The following RMND5B variants were observed in gnomAD, a reference collection of about 807,000 sequenced individuals.
RMND5B encodes required for meiotic nuclear division 5 homolog B.
Under a neutral mutation model 50.4 loss-of-function variants are expected in RMND5B, and 42 were observed. That is an observed-to-expected ratio of 0.83 (90% CI 0.65 to 1.08). The LOEUF (loss-of-function observed/expected upper bound fraction) is 1.08, where lower values mean the gene tolerates loss of function less well. RMND5B is among the 50% of genes least tolerant of loss of function. RMND5B has a pLI of 0.00. For synonymous variants in RMND5B, 220 were observed against 210.0 expected, an observed-to-expected ratio of 1.05 and a Z score of -0.41; for missense variants, 463 against 508.5, an observed-to-expected ratio of 0.91 and a Z score of 0.86.
chr5:178,145,209 G>A (rs532881499), intron 7 of RMND5B, among the ~76,000 whole-genome samples: 40 of 151,580 alleles, frequency 2.6e-4, no homozygotes, highest in Non-Finnish European at 5.2e-4. Flanking sequence ...GACACCGGCC[G>A]GGCATGATGG....
At chr5:178,144,774 A>C (rs1394664404) in intron 7 of RMND5B, among the ~76,000 whole-genome samples, 8 of 151,272 alleles carry the variant, frequency 5.3e-5, no homozygotes, top group African/African-American at 1.9e-4. Flanking sequence ...TAATTGCAGC[A>C]CTTTGGGAGG....
chr5:178,143,260 G>A (rs900312716), intron 5 of RMND5B, among the ~76,000 whole-genome samples: 94 of 151,388 alleles, frequency 6.2e-4, no homozygotes, highest in African/African-American at 2.3e-3. Flanking sequence ...TGACAAAGTA[G>A]TACTTGTTAG....
At chr5:178,147,702 A>G in intron 9 of RMND5B, 27 bp from the exon 10 acceptor site, 2 of 1,613,870 alleles carry the variant, frequency 1.2e-6, no homozygotes, top group Non-Finnish European at 8.5e-7. Flanking sequence ...AGGAAGTGGA[A>G]CTCACCCGCT....
chr5:178,142,380 G>A (rs910057565), intron 3 of RMND5B: 10 of 601,816 alleles, frequency 1.7e-5, no homozygotes, highest in African/African-American at 1.6e-4. Context: ...TCCCAGAGGT[G>A]AACTGGCTTT....
Position 178,147,990 on chromosome 5 carries a change from C to T in RMND5B, c.1140C>T (p.Pro380=). 2 of 1,614,172 alleles carry T rather than the reference C, an allele frequency of 1.2e-6. No individual in the cohort carries two copies. The highest frequency in any genetic ancestry group is 1.7e-6 in the Non-Finnish European group (2 of 1,180,036). ...NGGKLKCPYC[P]MEQNPADGKR... Reference sequence around the variant, plus strand: ...GCAGGCTGAAGTGTCCCTACTGTCCCATGGAGCAGAACCCGGCAGATGGGA... The same window carrying T: ...GCAGGCTGAAGTGTCCCTACTGTCCTATGGAGCAGAACCCGGCAGATGGGA... The change falls in exon 11 of 11, where the codon CCC becomes CCT. Residue 380 remains proline, a synonymous_variant. Coordinates refer to ENST00000313386, the MANE Select transcript of RMND5B (RefSeq NM_022762.5).
intron 2 of RMND5B, among the ~76,000 whole-genome samples, chr5:178,132,599 T>C (rs900302213): frequency 2.0e-5 from 3 of 151,684 alleles, no homozygotes; most frequent in Non-Finnish European, 4.4e-5. Flanking sequence ...GACTACATGG[T>C]GCACCTGTAG....
At chr5:178,146,367 G>T in intron 8 of RMND5B, 88 bp downstream of exon 8, 1 of 1,281,290 alleles carries the variant, frequency 7.8e-7, no homozygotes, top group Non-Finnish European at 1.1e-6. Flanking sequence ...GCCAGGAACA[G>T]TGCTCGGTGC....
At chr5:178,146,354 T>C (rs1756008860) in intron 8 of RMND5B, 75 bp downstream of exon 8, 5 of 1,438,802 alleles carry the variant, frequency 3.5e-6, no homozygotes, top group South Asian at 1.2e-5. Flanking sequence ...GGCCCTGCCA[T>C]GTGCCAGGAA....
Position 178,147,751 on chromosome 5 carries a change from A to T in RMND5B, c.986A>T (p.Lys329Met). Reference sequence around the variant, plus strand: ...CAGATTGAGATTGAACTAGGCATGAAGTGCTGGTACCACTCCGTGTTCGCT... The same window carrying T: ...CAGATTGAGATTGAACTAGGCATGATGTGCTGGTACCACTCCGTGTTCGCT... Reference protein sequence around the residue: ...ELPIEIELGMKCWYHSVFACP... With the variant: ...ELPIEIELGMMCWYHSVFACP... Residue 329 changes from lysine to methionine, a missense_variant, in exon 10 of 11, where the codon AAG becomes ATG. Lys to Met is a moderately conservative substitution (Grantham distance 95, BLOSUM62 -1). Coordinates refer to ENST00000313386, the MANE Select transcript of RMND5B (RefSeq NM_022762.5). 6.2e-7 allele frequency: 1 copy of T among 1,614,184 alleles called. No individual in the cohort carries two copies. The highest frequency in any genetic ancestry group is 8.5e-7 in the Non-Finnish European group (1 of 1,180,030).
intron 7 of RMND5B, among the ~76,000 whole-genome samples, chr5:178,144,689 A>C (rs1202034021): frequency 6.8e-6 from 1 of 146,480 alleles, no homozygotes; most frequent in Non-Finnish European, 1.5e-5. Flanking sequence ...ACTGCACTCC[A>C]GCCTGGGTGA....
At position 178,143,675 on chromosome 5, in the gene RMND5B, T is replaced by C; in HGVS notation, c.475T>C (p.Leu159=). 1 of 1,614,140 alleles carries C rather than the reference T, an allele frequency of 6.2e-7. No individual in the cohort carries two copies. Among genetic ancestry groups the C allele is most frequent in the Non-Finnish European group, 8.5e-7 (1 of 1,180,006 alleles). ...GGATTTCAAGCAGCCTTTCCTAGAG[T>C]TGAATCGAATCCTGGAAGCCCTGCA... ...DLDFKQPFLE[L]NRILEALHEQ... is the part of the protein sequence containing the mutation. Residue 159 remains leucine, a synonymous_variant, in exon 6 of 11, where the codon TTG becomes CTG. Coordinates refer to ENST00000313386, the MANE Select transcript of RMND5B (RefSeq NM_022762.5).
chr5:178,138,501 C>CT lies in RMND5B; in HGVS notation c.139+250dup. On this transcript the variant is annotated intron_variant, in intron 3 of 10. Coordinates refer to ENST00000313386, the MANE Select transcript of RMND5B (RefSeq NM_022762.5). The surrounding 1 kb of genome is among the most constrained non-coding windows in gnomAD (Gnocchi z 5.1). ...TTTCAACTTACTTTTCTATTTTTAA[C>CT]TTTTTTTCATTTTATAATTGTGTGT... is the stretch of plus-strand genomic sequence containing the variant. The CT allele has an allele frequency of 1.0e-6, 1 of 999,872 alleles. No homozygotes were observed. The highest frequency in any genetic ancestry group is 1.3e-6 in the Non-Finnish European group (1 of 751,712). 61.9% of individuals were successfully genotyped at this position (999,872 alleles called of 1,614,324 possible).
chr5:178,145,559 C>T (rs1053347449), intron 7 of RMND5B, among the ~76,000 whole-genome samples: 1 of 151,604 alleles, frequency 6.6e-6, no homozygotes, highest in Non-Finnish European at 1.5e-5. Context: ...ACCACAACCA[C>T]GTCTGGCTAA....
rs1409603740 is a variant in RMND5B at position 178,149,654 on chromosome 5, C to G, written c.*1622C>G. ...GTGGGTGGGCAGGAGGACAGCCAGT[C>G]GTCCTGCTGCCAGCCCAATAGCTTC... On this transcript the variant is annotated 3_prime_UTR_variant, in exon 11 of 11. Transcript: ENST00000313386. 3 of 1,607,430 alleles carry G rather than the reference C, an allele frequency of 1.9e-6. No homozygotes were observed. The highest frequency in any genetic ancestry group is 1.3e-5 in the African/African-American group (1 of 74,782).
intron 7 of RMND5B, among the ~76,000 whole-genome samples, chr5:178,145,084 T>A (rs1356724160): frequency 6.6e-6 from 1 of 152,162 alleles, no homozygotes; most frequent in Non-Finnish European, 1.5e-5. Flanking sequence ...CTCACTCTGT[T>A]GCCCAGGCTG....
Position 178,138,265 on chromosome 5 carries a change from G to A in RMND5B, c.139+7G>A. 1 of 1,612,190 alleles carries A rather than the reference G, an allele frequency of 6.2e-7. No individual in the cohort carries two copies. The highest frequency in any genetic ancestry group is 1.1e-5 in the South Asian group (1 of 90,824). ...GCTGAGCTGGCCAGCGCAGGTGGGT[G>A]GCCACCCTTGCAAGTGCCCTGCGAC... On this transcript the variant is annotated splice_region_variant and intron_variant, in intron 3 of 10. Coordinates refer to ENST00000313386, the MANE Select transcript of RMND5B (RefSeq NM_022762.5). This position sits in a 1 kb window ranked among gnomAD's most constrained non-coding sequence, Gnocchi z 5.1.
rs139036731 is a variant in RMND5B, at chr5:178,135,691, C to T, written c.-12-2417C>T. Among the ~76,000 whole-genome samples the T allele has an allele frequency of 5.1e-4, 77 of 152,308 alleles. No homozygotes were observed. In the East Asian group the frequency reaches 0.014, roughly 28 times the overall value. ...CTCAGCTTTGTAAATAGAATTTTAT[C>T]GCTTCTCAGCCTTTTCGCTGAGATC... On this transcript the variant is annotated intron_variant, in intron 2 of 10. Transcript: ENST00000313386.
In RMND5B at chr5:178,150,564, G is replaced by A. The variant is rs1756249510; in HGVS notation, c.*2532G>A. The A allele has an allele frequency of 4.7e-6, 2 of 428,840 alleles. No homozygotes were observed. Among genetic ancestry groups the A allele is most frequent in the South Asian group, 2.0e-5 (1 of 50,884 alleles). The allele number at this position is 428,840 out of a possible 1,614,324, so 26.6% of individuals were successfully genotyped here. On this transcript the variant is annotated 3_prime_UTR_variant, in exon 11 of 11. Transcript: ENST00000313386. ...CCAGCTAATTAAAAAAATTTTTTTT[G>A]TAGAGATGGAGTCTCACTTTGTTGC... is the stretch of plus-strand genomic sequence containing the variant.
At chr5:178,139,341 A>G (rs112260799) in intron 3 of RMND5B, among the ~76,000 whole-genome samples, 5,860 of 149,702 alleles carry the variant, frequency 0.039, 129 homozygotes, top group East Asian at 0.11. Context: ...GAGTAGCTGG[A>G]ATTAAAGGCG....
Sources: gnomAD v4.1 joint callset for allele counts (sites outside exome capture counted in the v4.1 genomes callset) on GRCh38, gnomAD v4.1.1 for gene constraint, Gnocchi (gnomAD v3.1) non-coding constraint, MANE v1.5 for transcripts, NCBI Gene and HGNC (gene_info 2026-07-23, HGNC 2026-07-21) for gene names.